Variants in INTU observed in about 807,000 individuals in gnomAD.
The protein encoded by INTU is inturned planar cell polarity protein, also known as protein inturned.
In INTU, 68 loss-of-function variants were observed where a neutral mutation model predicts 100.5. The ratio of observed to expected loss-of-function variants is 0.68; its 90% confidence interval spans 0.56 to 0.83. INTU has a LOEUF of 0.83. INTU is among the 40% of genes least tolerant of loss of function. The probability of loss-of-function intolerance (pLI) is 0.00; values close to 1 mark genes in which losing one functional copy is unlikely to be tolerated. For missense variants in INTU, 1,071 were observed against 1,114.7 expected, an observed-to-expected ratio of 0.96 and a Z score of 0.56; for synonymous variants, 357 against 395.7, an observed-to-expected ratio of 0.90 and a Z score of 1.16.
chr4:127,644,940 A>C (rs888455454), intron 2 of INTU, among the ~76,000 whole-genome samples: 1 of 152,244 alleles, frequency 6.6e-6, no homozygotes, highest in African/African-American at 2.4e-5. Flanking sequence ...GCTAAGTGCC[A>C]GGAATACAAA....
Position 127,713,954 on chromosome 4 carries a change from A to G in INTU, c.2578A>G (p.Ser860Gly). 1 of 1,608,588 alleles carries G rather than the reference A, an allele frequency of 6.2e-7. No individual in the cohort carries two copies. The highest frequency in any genetic ancestry group is 1.1e-5 in the South Asian group (1 of 90,684). Residue 860 changes from serine to glycine, a missense_variant, in exon 15 of 16, where the codon AGT becomes GGT. Ser to Gly is a moderately conservative substitution (Grantham distance 56). Transcript: ENST00000335251. ...TTTACAGAAAAAGAAAGGACTAAAT[A>G]GTGGAGACCATTCAGATTCTGCAAA... ...LVEEKKKGLN[S>G]GDHSDSAKSV... is the part of the protein sequence containing the mutation.
At chr4:127,678,810 T>C (rs1305570543) in intron 6 of INTU, among the ~76,000 whole-genome samples, 1 of 152,020 alleles carries the variant, frequency 6.6e-6, no homozygotes, top group Non-Finnish European at 1.5e-5. Context: ...GACTGGCAAA[T>C]TGGATAAAGA....
At chr4:127,710,772 A>G in intron 13 of INTU, 141 bp from the exon 14 acceptor site, 2 of 454,308 alleles carry the variant, frequency 4.4e-6, no homozygotes, top group Non-Finnish European at 7.4e-6. Context: ...TGTTTAGCCC[A>G]GTTTCCCTTC....
At chr4:127,679,253 C>G (rs1234740095) in intron 6 of INTU, among the ~76,000 whole-genome samples, 1 of 152,154 alleles carries the variant, frequency 6.6e-6, no homozygotes, top group Non-Finnish European at 1.5e-5. Flanking sequence ...CCAAGAGGAC[C>G]TAACAGACAT....
chr4:127,683,818 C>A (rs1476105159), intron 6 of INTU: 1 of 152,146 alleles, frequency 6.6e-6, no homozygotes, highest in Non-Finnish European at 1.5e-5. Context: ...TACGTAATTT[C>A]TTGGACTTCT....
chr4:127,680,319 C>G (rs1199643025), intron 6 of INTU, among the ~76,000 whole-genome samples: 2 of 150,726 alleles, frequency 1.3e-5, no homozygotes, highest in African/African-American at 4.9e-5. Flanking sequence ...AATTTTAGAC[C>G]AATATCCTTG....
chr4:127,640,588 T>TAC (rs1173671981), intron 1 of INTU, among the ~76,000 whole-genome samples: 1 of 27,776 alleles, frequency 3.6e-5, no homozygotes, highest in Non-Finnish European at 7.5e-5. Flanking sequence ...TATATATATA[T>TAC]ATACATATAC....
intron 6 of INTU, among the ~76,000 whole-genome samples, chr4:127,683,641 C>T (rs574874918): frequency 8.5e-5 from 13 of 152,134 alleles, no homozygotes; most frequent in African/African-American, 2.6e-4. Context: ...GGCACATGAT[C>T]GAGGGACATG....
In INTU at chr4:127,720,982, A is replaced by G. The variant is rs1004313100; in HGVS notation, c.*4546A>G. On this transcript the variant is annotated 3_prime_UTR_variant, in exon 16 of 16. Coordinates refer to ENST00000335251, the MANE Select transcript of INTU (RefSeq NM_015693.4). Reference sequence around the variant, plus strand: ...TAGTGCATTTACATTTAAGGTTAATATTGTTATGTGTGAATTTTATCCTGA... The same window carrying G: ...TAGTGCATTTACATTTAAGGTTAATGTTGTTATGTGTGAATTTTATCCTGA... 1 of 152,128 alleles carries G rather than the reference A, an allele frequency of 6.6e-6. No homozygotes were observed. Among genetic ancestry groups the G allele is most frequent in the African/African-American group, 2.4e-5 (1 of 41,416 alleles). 9.4% of individuals were successfully genotyped at this position (152,128 alleles called of 1,614,324 possible).
intron 8 of INTU, among the ~76,000 whole-genome samples, chr4:127,691,562 G>A (rs115196027): frequency 0.012 from 1,819 of 152,114 alleles, 16 homozygotes; most frequent in South Asian, 0.038. Context: ...TGAATATCTT[G>A]TTTGGTGAAG....
chr4:127,706,459 C>T, intron 11 of INTU, 28 bp from the exon 12 acceptor site: 1 of 1,563,344 alleles, frequency 6.4e-7, no homozygotes, highest in Middle Eastern at 1.8e-4. Flanking sequence ...GGTAGCTAAA[C>T]CTACATTTGT....
chr4:127,668,471 C>T (rs1314571069), intron 4 of INTU, among the ~76,000 whole-genome samples: 2 of 151,682 alleles, frequency 1.3e-5, no homozygotes, highest in Non-Finnish European at 2.9e-5. Context: ...TATCGTGACA[C>T]TTTTTTCTTA....
chr4:127,652,862 T>G (rs1181177113), intron 2 of INTU, among the ~76,000 whole-genome samples: 1 of 137,110 alleles, frequency 7.3e-6, no homozygotes, highest in African/African-American at 2.8e-5. Context: ...GGACTCTTTT[T>G]GGTTGGTAAA....
At chr4:127,703,102 G>C (rs753991848) in intron 9 of INTU, among the ~76,000 whole-genome samples, 1 of 152,090 alleles carries the variant, frequency 6.6e-6, no homozygotes, top group African/African-American at 2.4e-5. Context: ...GGTAATTTTT[G>C]TGTCTGGCTT....
intron 5 of INTU, 149 bp from the exon 6 acceptor site, chr4:127,673,975 G>A (rs11098934): frequency 0.011 from 4,879 of 439,884 alleles, 177 homozygotes; most frequent in East Asian, 0.086. Flanking sequence ...AATTCCTTGC[G>A]TTTTTTATGT....
At chr4:127,672,510 T>C (rs1035711041) in intron 5 of INTU, among the ~76,000 whole-genome samples, 1 of 148,766 alleles carries the variant, frequency 6.7e-6, no homozygotes, top group Non-Finnish European at 1.5e-5. Flanking sequence ...CTGTAAAGAA[T>C]AGATGTTATT....
At chr4:127,707,612 A>T (rs1426460479) in intron 12 of INTU, among the ~76,000 whole-genome samples, 2 of 151,902 alleles carry the variant, frequency 1.3e-5, no homozygotes, top group Non-Finnish European at 2.9e-5. Flanking sequence ...AGCAAAGAGA[A>T]TCAGAACCCT....
intron 2 of INTU, among the ~76,000 whole-genome samples, chr4:127,648,234 G>A (rs1727677889): frequency 6.6e-6 from 1 of 152,122 alleles, no homozygotes; most frequent in Non-Finnish European, 1.5e-5. Context: ...CTTGGGTTTA[G>A]GATGTCCACT....
intron 9 of INTU, among the ~76,000 whole-genome samples, chr4:127,700,688 T>C (rs1364140234): frequency 6.6e-6 from 1 of 151,628 alleles, no homozygotes; most frequent in Non-Finnish European, 1.5e-5. Context: ...TTGAAGAGGC[T>C]CCCTGTTGAA....
Sources: allele counts gnomAD v4.1 joint callset (sites outside exome capture counted in the v4.1 genomes callset), GRCh38; gene constraint gnomAD v4.1.1; transcripts MANE v1.5; gene names NCBI Gene and HGNC (gene_info 2026-07-23, HGNC 2026-07-21).